The following ATP6V1F variants were observed in gnomAD, a reference collection of about 807,000 sequenced individuals.
ATP6V1F encodes ATPase H+ transporting V1 subunit F, also known as V-type proton ATPase subunit F.
Under a neutral mutation model 6.6 loss-of-function variants are expected in ATP6V1F, and 4 were observed. That is an observed-to-expected ratio of 0.60 (90% CI 0.30 to 1.38). The LOEUF is 1.38. ATP6V1F is among the 40% of genes most tolerant of loss of function. The pLI is 0.08. For synonymous variants in ATP6V1F, 68 were observed against 66.9 expected (o/e 1.02, Z -0.08); for missense variants, 136 against 165.5 (o/e 0.82, Z 0.98).
Position 128,865,287 on chromosome 7 carries a change from C to A in ATP6V1F, c.159-90C>A. ...GGTCATGCTCATTCCCCTCCACAGCCCAGCCCAACAACTCGGAGAGGGCTG... is the reference window on the plus strand; with the variant it reads ...GGTCATGCTCATTCCCCTCCACAGCACAGCCCAACAACTCGGAGAGGGCTG... On this transcript the variant is annotated intron_variant, in intron 1 of 1. Transcript: ENST00000249289. The surrounding 1 kb of genome is among the most constrained non-coding windows in gnomAD (Gnocchi z 4.4). 6.3e-7 allele frequency: 1 copy of A among 1,583,190 alleles called. No homozygotes were observed. The highest frequency in any genetic ancestry group is 8.6e-7 in the Non-Finnish European group (1 of 1,159,742).
rs973288015 is a variant in ATP6V1F, at chr7:128,865,691, C to G, written c.*113C>G. On this transcript the variant is annotated 3_prime_UTR_variant, in exon 2 of 2. Coordinates refer to ENST00000249289, the MANE Select transcript of ATP6V1F (RefSeq NM_004231.4). This position sits in a 1 kb window ranked among gnomAD's most constrained non-coding sequence, Gnocchi z 4.4. ...ATTTCCAATTCCCTGCTCCTTCCCA[C>G]TCCATTAAGAGGCTAGGTGAGGCGC... is the stretch of plus-strand genomic sequence containing the variant. The G allele has an allele frequency of 3.9e-5, 47 of 1,219,322 alleles. No individual in the cohort carries two copies. The highest frequency in any genetic ancestry group is 2.8e-4 in the Admixed American group (11 of 39,564). The allele number at this position is 1,219,322 out of a possible 1,614,324, so 75.5% of individuals were successfully genotyped here. A position where few individuals can be genotyped will look rare whatever the true frequency, so the allele number is the denominator to read the frequency against.
intron 1 of ATP6V1F, chr7:128,864,929 CT>C: frequency 1.7e-6 from 1 of 583,760 alleles, no homozygotes; most frequent in Non-Finnish European, 3.1e-6. Flanking sequence ...TCTCAAACTC[CT>C]GGGTTCAAGC....
At chr7:128,864,636 T>G (rs1196140091) in intron 1 of ATP6V1F, among the ~76,000 whole-genome samples, 13 of 150,090 alleles carry the variant, frequency 8.7e-5, no homozygotes, top group Admixed American at 2.0e-4. Context: ...GTCTCACTCC[T>G]GTCACCCAGG....
chr7:128,863,714 T>C (rs1410042629), intron 1 of ATP6V1F, among the ~76,000 whole-genome samples: 1 of 152,188 alleles, frequency 6.6e-6, no homozygotes, highest in African/African-American at 2.4e-5. Flanking sequence ...GAATTAAGGA[T>C]ACCAGCCTCC....
At chr7:128,864,917 G>A (rs1809355510) in intron 1 of ATP6V1F, 1 of 568,538 alleles carries the variant, frequency 1.8e-6, no homozygotes, top group Non-Finnish European at 3.2e-6. Context: ...GGCCCATTCT[G>A]GTCTCAAACT....
chr7:128,863,191 C>A (rs1809308478), intron 1 of ATP6V1F, 129 bp downstream of exon 1: 1 of 1,161,480 alleles, frequency 8.6e-7, no homozygotes, highest in Non-Finnish European at 1.2e-6. Flanking sequence ...GGAGCGGAGG[C>A]CTCCGCGCCC....
In ATP6V1F at chr7:128,865,424, A is replaced by C; in HGVS notation, c.206A>C (p.Tyr69Ser). 1 of 1,614,192 alleles carries C rather than the reference A, an allele frequency of 6.2e-7. No individual in the cohort carries two copies. Among genetic ancestry groups the C allele is most frequent in the South Asian group, 1.1e-5 (1 of 91,092 alleles). The change falls in exon 2 of 2, where the codon TAC (tyrosine) becomes TCC (serine). Residue 69 changes from tyrosine to serine, a missense_variant. Coordinates refer to ENST00000249289, the MANE Select transcript of ATP6V1F (RefSeq NM_004231.4). The surrounding 1 kb of genome is among the most constrained non-coding windows in gnomAD (Gnocchi z 4.4). ...ATTGGCATCATCCTCATCAACCAGTACATCGCAGAGATGGTGCGGCATGCC... is the reference window on the plus strand; with the variant it reads ...ATTGGCATCATCCTCATCAACCAGTCCATCGCAGAGATGGTGCGGCATGCC... ...DDIGIILINQ[Y>S]IAEMVRHALD...
intron 1 of ATP6V1F, among the ~76,000 whole-genome samples, chr7:128,863,726 A>G (rs1809322837): frequency 6.6e-6 from 1 of 152,172 alleles, no homozygotes; most frequent in South Asian, 2.1e-4. Flanking sequence ...CCAGCCTCCT[A>G]TTTTATTCCT....
chr7:128,864,292 C>T (rs531653932), intron 1 of ATP6V1F, among the ~76,000 whole-genome samples: 2 of 152,168 alleles, frequency 1.3e-5, no homozygotes, highest in South Asian at 2.1e-4. Context: ...TGCAGTGAGC[C>T]GAGATCCACC....
Position 128,865,063 on chromosome 7 carries a change from AC to A in ATP6V1F, c.159-313del. On this transcript the variant is annotated intron_variant, in intron 1 of 1. Transcript: ENST00000249289. This position sits in a 1 kb window ranked among gnomAD's most constrained non-coding sequence, Gnocchi z 4.4. The stretch of plus-strand genomic sequence containing the variant: ...TATAATCTTATCCTTCCCCTTTCTG[AC>A]ACATCACTGCATATTGAATACACCA... 6.6e-6 allele frequency: 9 copies of A among 1,365,144 alleles called. No individual in the cohort carries two copies. The highest frequency in any genetic ancestry group is 9.1e-6 in the Non-Finnish European group (9 of 991,274). 84.6% of individuals were successfully genotyped at this position (1,365,144 alleles called of 1,614,324 possible).
Position 128,865,390 on chromosome 7 carries a change from C to G in ATP6V1F, c.172C>G (p.Arg58Gly). The G allele has an allele frequency of 6.2e-7, 1 of 1,614,068 alleles. No homozygotes were observed. Among genetic ancestry groups the G allele is most frequent in the Non-Finnish European group, 8.5e-7 (1 of 1,180,006 alleles). The change falls in exon 2 of 2, where the codon CGG (arginine) becomes GGG (glycine). Residue 58 changes from arginine (R) to glycine (G), a missense_variant. Physicochemically the swap from Arg to Gly is moderately radical, Grantham distance 125. Transcript: ENST00000249289. The surrounding 1 kb of genome is among the most constrained non-coding windows in gnomAD (Gnocchi z 4.4). ...CTCTCCCCACAGGCAATTTCTAAAC[C>G]GGGATGACATTGGCATCATCCTCAT... ...IEDTFRQFLN[R>G]DDIGIILINQ...
chr7:128,864,459 C>T (rs1375758923), intron 1 of ATP6V1F, among the ~76,000 whole-genome samples: 1 of 152,214 alleles, frequency 6.6e-6, no homozygotes, highest in East Asian at 1.9e-4. Context: ...GTGTCCTCTT[C>T]CTAGCTTGTG....
At position 128,865,389 on chromosome 7, in the gene ATP6V1F, C is replaced by T. The variant is rs1563008780; in HGVS notation, c.171C>T (p.Asn57=). The T allele has an allele frequency of 6.2e-7, 1 of 1,614,098 alleles. No individual in the cohort carries two copies. Residue 57 remains asparagine, a synonymous_variant, in exon 2 of 2, where the codon AAC becomes AAT. Coordinates refer to ENST00000249289, the MANE Select transcript of ATP6V1F (RefSeq NM_004231.4). This position sits in a 1 kb window ranked among gnomAD's most constrained non-coding sequence, Gnocchi z 4.4. ...TCTCTCCCCACAGGCAATTTCTAAA[C>T]CGGGATGACATTGGCATCATCCTCA... is the stretch of plus-strand genomic sequence containing the variant. ...EIEDTFRQFL[N]RDDIGIILIN...
rs1477640838 is a variant in ATP6V1F at position 128,865,371 on chromosome 7, C to T, written c.159-6C>T. 6.2e-7 allele frequency: 1 copy of T among 1,614,020 alleles called. No homozygotes were observed. The highest frequency in any genetic ancestry group is 2.2e-5 in the East Asian group (1 of 44,882). On this transcript the variant is annotated splice_region_variant and splice_polypyrimidine_tract_variant and intron_variant, in intron 1 of 1. Coordinates refer to ENST00000249289, the MANE Select transcript of ATP6V1F (RefSeq NM_004231.4). This position sits in a 1 kb window ranked among gnomAD's most constrained non-coding sequence, Gnocchi z 4.4. ...TCCTGGACTCCCTTCTCATCTCTCC[C>T]CACAGGCAATTTCTAAACCGGGATG...
Position 128,865,810 on chromosome 7 carries a change from T to C in ATP6V1F, c.*232T>C. On this transcript the variant is annotated 3_prime_UTR_variant, in exon 2 of 2. Transcript: ENST00000249289. The surrounding 1 kb of genome is among the most constrained non-coding windows in gnomAD (Gnocchi z 4.4). ...CCTGTGCTGTTACACAGTGTCATTG[T>C]TGATGTTAAATTAAAGTCATATTCT... 1 of 570,194 alleles carries C rather than the reference T, an allele frequency of 1.8e-6. No individual in the cohort carries two copies. The highest frequency in any genetic ancestry group is 3.1e-6 in the Non-Finnish European group (1 of 323,018). The allele number at this position is 570,194 out of a possible 1,614,324, so 35.3% of individuals were successfully genotyped here.
Position 128,865,694 on chromosome 7 carries a change from C to A in ATP6V1F, c.*116C>A. 1 of 1,176,870 alleles carries A rather than the reference C, an allele frequency of 8.5e-7. No homozygotes were observed. Among genetic ancestry groups the A allele is most frequent in the Non-Finnish European group, 1.2e-6 (1 of 850,620 alleles). 72.9% of individuals were successfully genotyped at this position (1,176,870 alleles called of 1,614,324 possible). ...TCCAATTCCCTGCTCCTTCCCACTC[C>A]ATTAAGAGGCTAGGTGAGGCGCTTC... is the stretch of plus-strand genomic sequence containing the variant. On this transcript the variant is annotated 3_prime_UTR_variant, in exon 2 of 2. Coordinates refer to ENST00000249289, the MANE Select transcript of ATP6V1F (RefSeq NM_004231.4). The surrounding 1 kb of genome is among the most constrained non-coding windows in gnomAD (Gnocchi z 4.4).
chr7:128,865,074 C>A lies in ATP6V1F; in HGVS notation c.159-303C>A. On this transcript the variant is annotated intron_variant, in intron 1 of 1. Transcript: ENST00000249289. The surrounding 1 kb of genome is among the most constrained non-coding windows in gnomAD (Gnocchi z 4.4). Reference sequence around the variant, plus strand: ...CCTTCCCCTTTCTGACACATCACTGCATATTGAATACACCAGTGTGCACCC... The same window carrying A: ...CCTTCCCCTTTCTGACACATCACTGAATATTGAATACACCAGTGTGCACCC... 1 of 1,410,632 alleles carries A rather than the reference C, an allele frequency of 7.1e-7. No homozygotes were observed. The highest frequency in any genetic ancestry group is 1.2e-5 in the South Asian group (1 of 81,550). 87.4% of individuals were successfully genotyped at this position (1,410,632 alleles called of 1,614,324 possible).
At position 128,865,301 on chromosome 7, in the gene ATP6V1F, C is replaced by T. The variant is rs376971395; in HGVS notation, c.159-76C>T. ...CCCTCCACAGCCCAGCCCAACAACTCGGAGAGGGCTGCCTGGGTAGGAGAG... is the reference window on the plus strand; with the variant it reads ...CCCTCCACAGCCCAGCCCAACAACTTGGAGAGGGCTGCCTGGGTAGGAGAG... On this transcript the variant is annotated intron_variant, in intron 1 of 1. Coordinates refer to ENST00000249289, the MANE Select transcript of ATP6V1F (RefSeq NM_004231.4). The surrounding 1 kb of genome is among the most constrained non-coding windows in gnomAD (Gnocchi z 4.4). 2.5e-5 allele frequency: 40 copies of T among 1,593,858 alleles called. No homozygotes were observed. Among genetic ancestry groups the T allele is most frequent in the East Asian group, 1.3e-4 (6 of 44,570 alleles).
rs1585175678 is a variant in ATP6V1F, at chr7:128,863,005, C to T, written c.101C>T (p.Pro34Leu). The T allele has an allele frequency of 6.2e-7, 1 of 1,613,486 alleles. No individual in the cohort carries two copies. Among genetic ancestry groups the T allele is most frequent in the Middle Eastern group, 1.7e-4 (1 of 6,058 alleles). Reference protein sequence around the residue: ...GIGELNKNRHPNFLVVEKDTT... With the variant: ...GIGELNKNRHLNFLVVEKDTT... ...GGGGAGCTTAACAAGAACCGCCATC[C>T]CAATTTCCTGGTGGTGGAGAAGGAT... Residue 34 changes from proline (P) to leucine (L), a missense_variant, in exon 1 of 2, where the codon CCC becomes CTC. Transcript: ENST00000249289.
Sources: allele counts gnomAD v4.1 joint callset (sites outside exome capture counted in the v4.1 genomes callset), GRCh38; gene constraint gnomAD v4.1.1; non-coding constraint Gnocchi (gnomAD v3.1); transcripts MANE v1.5; gene names NCBI Gene and HGNC (gene_info 2026-07-23, HGNC 2026-07-21).